The following MIR2052HG variants were observed in gnomAD, a reference collection of about 807,000 sequenced individuals.
The protein encoded by MIR2052HG is MIR2052 host gene.
intron 2 of MIR2052HG, among the ~76,000 whole-genome samples, chr8:74,685,318 G>T (rs905340795): frequency 5.0e-4 from 76 of 152,006 alleles, no homozygotes; most frequent in South Asian, 4.2e-4. Flanking sequence ...ATTCCAAAAA[G>T]AATATTATTT....
chr8:74,715,097 A>G (rs1328666844), intron 4 of MIR2052HG, among the ~76,000 whole-genome samples: 1 of 152,198 alleles, frequency 6.6e-6, no homozygotes, highest in Non-Finnish European at 1.5e-5. Context: ...ATATTCAAAG[A>G]GAATATATTC....
intron 4 of MIR2052HG, among the ~76,000 whole-genome samples, chr8:74,728,042 A>G (rs1809654884): frequency 6.6e-6 from 1 of 152,238 alleles, no homozygotes; most frequent in African/African-American, 2.4e-5. Flanking sequence ...AGTACTAGGC[A>G]AGAGCATAGG....
chr8:74,672,635 A>G (rs1163695616), intron 2 of MIR2052HG, among the ~76,000 whole-genome samples: 1 of 152,042 alleles, frequency 6.6e-6, no homozygotes, highest in East Asian at 1.9e-4. Context: ...ATGTATACCT[A>G]TTATTTAAAT....
At chr8:74,651,076 G>T (rs144673237) in intron 2 of MIR2052HG, among the ~76,000 whole-genome samples, 3 of 150,258 alleles carry the variant, frequency 2.0e-5, no homozygotes, top group African/African-American at 7.3e-5. Flanking sequence ...CTGTGTATAC[G>T]TTTGTTTCTT....
chr8:74,669,339 A>G (rs1808965648), intron 2 of MIR2052HG, among the ~76,000 whole-genome samples: 1 of 151,916 alleles, frequency 6.6e-6, no homozygotes, highest in African/African-American at 2.4e-5. Context: ...CCCAAACCCA[A>G]TTGCCTCTCA....
intron 2 of MIR2052HG, among the ~76,000 whole-genome samples, chr8:74,645,423 C>G (rs1324491714): frequency 1.3e-5 from 2 of 151,992 alleles, no homozygotes; most frequent in African/African-American, 4.8e-5. Context: ...GTAGCTGGGA[C>G]TACAGGCATG....
At chr8:74,679,430 C>A (rs552818608) in intron 2 of MIR2052HG, among the ~76,000 whole-genome samples, 7 of 151,866 alleles carry the variant, frequency 4.6e-5, no homozygotes, top group Admixed American at 1.3e-4. Flanking sequence ...TATTTCATTC[C>A]TTTTTATGGC....
At chr8:74,640,467 CA>C (rs35779504) in intron 2 of MIR2052HG, among the ~76,000 whole-genome samples, 31,038 of 83,468 alleles carry the variant, frequency 0.37, 4,256 homozygotes, top group East Asian at 0.64. Flanking sequence ...GACTCCGTCT[CA>C]AAAAAAAAAA....
intron 1 of MIR2052HG, among the ~76,000 whole-genome samples, chr8:74,606,864 A>G (rs147398167): frequency 6.6e-6 from 1 of 152,344 alleles, no homozygotes; most frequent in Non-Finnish European, 1.5e-5. Flanking sequence ...GCAAACATTA[A>G]AAGAACACAA....
intron 2 of MIR2052HG, among the ~76,000 whole-genome samples, chr8:74,667,727 A>G (rs1401575494): frequency 6.6e-6 from 1 of 152,098 alleles, no homozygotes; most frequent in Non-Finnish European, 1.5e-5. Flanking sequence ...ACTGAGTACC[A>G]AAGCCACAGC....
chr8:74,700,807 A>C lies in MIR2052HG; in HGVS notation n.217-1572A>C, dbSNP rs185637225. 7.2e-5 allele frequency among the ~76,000 whole-genome samples: 11 copies of C among 152,180 alleles called. No homozygotes were observed. In the East Asian group the frequency reaches 1.7e-3, roughly 24 times the overall value. On this transcript the variant is annotated intron_variant and non_coding_transcript_variant, in intron 2 of 6. Transcript: ENST00000523442. ...ACCAACCCATGACTGTATCCTCTCT[A>C]GGTATATGTTCTATCCCACTAAATT...
intron 4 of MIR2052HG, among the ~76,000 whole-genome samples, chr8:74,726,787 A>G (rs1809641555): frequency 6.6e-6 from 1 of 152,200 alleles, no homozygotes; most frequent in South Asian, 2.1e-4. Flanking sequence ...TGCAAAATAC[A>G]CTTCGTGTAG....
At chr8:74,691,414 G>A (rs994571079) in intron 2 of MIR2052HG, among the ~76,000 whole-genome samples, 1 of 152,182 alleles carries the variant, frequency 6.6e-6, no homozygotes, top group Non-Finnish European at 1.5e-5. Context: ...ACCTTTCAGA[G>A]GTGCACTGAA....
intron 2 of MIR2052HG, among the ~76,000 whole-genome samples, chr8:74,657,080 T>TG (rs1338469644): frequency 6.6e-6 from 1 of 152,196 alleles, no homozygotes; most frequent in Non-Finnish European, 1.5e-5. Context: ...GTACAAACAC[T>TG]GCAGCATACA....
At chr8:74,600,124 G>C (rs1360147546) in intron 1 of MIR2052HG, among the ~76,000 whole-genome samples, 5 of 152,132 alleles carry the variant, frequency 3.3e-5, no homozygotes, top group Non-Finnish European at 7.3e-5. Context: ...TTCGCCCACT[G>C]TCTGGCACTC....
intron 1 of MIR2052HG, among the ~76,000 whole-genome samples, chr8:74,601,385 G>T (rs1335415402): frequency 6.6e-6 from 1 of 152,144 alleles, no homozygotes; most frequent in Non-Finnish European, 1.5e-5. Flanking sequence ...TAAGGGGTAG[G>T]CTGTGAGTGG....
At chr8:74,669,809 A>T (rs1474349698) in intron 2 of MIR2052HG, among the ~76,000 whole-genome samples, 1 of 152,128 alleles carries the variant, frequency 6.6e-6, no homozygotes, top group Non-Finnish European at 1.5e-5. Flanking sequence ...CATCCTGACC[A>T]CCTAGTTAGA....
At chr8:74,730,854 A>C (rs1037554099) in intron 4 of MIR2052HG, among the ~76,000 whole-genome samples, 5 of 152,178 alleles carry the variant, frequency 3.3e-5, no homozygotes, top group African/African-American at 1.2e-4. Flanking sequence ...ATTTTTATTG[A>C]AATAAAGGTG....
At chr8:74,641,618 A>G (rs781323432) in intron 2 of MIR2052HG, among the ~76,000 whole-genome samples, 2 of 151,810 alleles carry the variant, frequency 1.3e-5, no homozygotes, top group Non-Finnish European at 2.9e-5. Context: ...TTTTTTTAGT[A>G]TTATGCTTAA....
Sources: allele counts gnomAD v4.1 joint callset (sites outside exome capture counted in the v4.1 genomes callset), GRCh38; gene constraint gnomAD v4.1.1; transcripts MANE v1.5; gene names NCBI Gene and HGNC (gene_info 2026-07-23, HGNC 2026-07-21).